Variants in SYT14 observed in about 807,000 individuals in gnomAD.
The protein encoded by SYT14 is synaptotagmin 14.
In SYT14, 32 loss-of-function variants were observed where a neutral mutation model predicts 74.2. The ratio of observed to expected loss-of-function variants is 0.43; its 90% CI spans 0.33 to 0.58. The LOEUF is 0.58. Ranked by LOEUF, SYT14 falls within the 20% of genes least tolerant of loss-of-function variation. The pLI is 0.05. For synonymous variants in SYT14, 298 were observed against 337.7 expected (o/e 0.88, Z 1.29); for missense variants, 791 against 981.8 (o/e 0.81, Z 2.60).
intron 5 of SYT14, among the ~76,000 whole-genome samples, chr1:210,036,238 T>C (rs1317857878): frequency 1.3e-5 from 2 of 152,092 alleles, no homozygotes; most frequent in East Asian, 3.8e-4. Context: ...CAGCTTATTG[T>C]TGGTGTATAG....
intron 2 of SYT14, among the ~76,000 whole-genome samples, chr1:210,007,996 T>C (rs1261725081): frequency 6.6e-6 from 1 of 152,218 alleles, no homozygotes; most frequent in African/African-American, 2.4e-5. Flanking sequence ...CAGGAGTCAG[T>C]GTGCTCAAGT....
At chr1:210,008,517 C>G (rs2080029942) in intron 2 of SYT14, among the ~76,000 whole-genome samples, 1 of 152,126 alleles carries the variant, frequency 6.6e-6, no homozygotes, top group Non-Finnish European at 1.5e-5. Flanking sequence ...GTGCCCGCCA[C>G]CACACCCGGC....
chr1:209,940,554 AAAACATTC>A (rs1280501362), intron 1 of SYT14, among the ~76,000 whole-genome samples: 1 of 152,186 alleles, frequency 6.6e-6, no homozygotes, highest in Non-Finnish European at 1.5e-5. Context: ...CCTTTGTATA[AAAACATTC>A]AATGATGATG....
intron 5 of SYT14, among the ~76,000 whole-genome samples, chr1:210,024,289 A>G (rs1231365552): frequency 1.3e-5 from 2 of 152,214 alleles, no homozygotes; most frequent in Non-Finnish European, 2.9e-5. Context: ...ATATCAGTTA[A>G]GGAGATCTTT....
At chr1:210,161,491 A>G (rs1408482144) in exon 10 of SYT14, 4 of 454,116 alleles carry the variant, frequency 8.8e-6, no homozygotes, top group Non-Finnish European at 1.8e-5. Flanking sequence ...CTTTAATATG[A>G]AAAAGTAGTT....
chr1:210,135,621 CCTT>C (rs1164064194), intron 7 of SYT14, among the ~76,000 whole-genome samples: 3 of 151,818 alleles, frequency 2.0e-5, no homozygotes, highest in African/African-American at 7.3e-5. Flanking sequence ...GTTTTATTTT[CCTT>C]CTTCTTTTCA....
intron 6 of SYT14, among the ~76,000 whole-genome samples, chr1:210,095,935 T>C (rs2081959920): frequency 6.6e-6 from 1 of 152,180 alleles, no homozygotes; most frequent in Non-Finnish European, 1.5e-5. Context: ...GTTTTGTAGC[T>C]TTGTAAACTA....
At chr1:209,994,262 G>T (rs1481641559) in intron 2 of SYT14, among the ~76,000 whole-genome samples, 2 of 152,124 alleles carry the variant, frequency 1.3e-5, no homozygotes, top group African/African-American at 4.8e-5. Context: ...GATGATCAAG[G>T]AGCTGAAAGA....
At chr1:210,166,488 C>G (rs2083456773) in exon 10 of SYT14, 1 of 152,238 alleles carries the variant, frequency 6.6e-6, no homozygotes, top group South Asian at 2.1e-4. Context: ...ATCGCTGGAG[C>G]CTGGCAAGTC....
At chr1:210,168,559 T>G (rs956145048) in exon 10 of SYT14, 14 of 152,158 alleles carry the variant, frequency 9.2e-5, no homozygotes, top group Admixed American at 3.3e-4. Context: ...CTGAAAAAAA[T>G]TTTCAAACTT....
chr1:210,111,831 G>A (rs775183380), intron 7 of SYT14, among the ~76,000 whole-genome samples: 8 of 151,300 alleles, frequency 5.3e-5, no homozygotes, highest in Non-Finnish European at 8.8e-5. Context: ...GGGGTTCAGC[G>A]GAATTACTTG....
intron 2 of SYT14, among the ~76,000 whole-genome samples, chr1:210,007,410 A>C (rs1193136944): frequency 6.6e-6 from 1 of 152,008 alleles, no homozygotes; most frequent in African/African-American, 2.4e-5. Context: ...TCTATAGAGT[A>C]TCTTTAGTTT....
intron 7 of SYT14, among the ~76,000 whole-genome samples, chr1:210,115,667 G>A (rs2082345542): frequency 1.3e-5 from 2 of 151,364 alleles, no homozygotes; most frequent in Non-Finnish European, 1.5e-5. Context: ...TAGTGAGAGA[G>A]GTTGGAGAAG....
intron 1 of SYT14, among the ~76,000 whole-genome samples, chr1:209,945,123 C>T (rs1255530185): frequency 1.3e-5 from 2 of 152,152 alleles, no homozygotes; most frequent in African/African-American, 2.4e-5. Flanking sequence ...CCCTACCCTC[C>T]ACCCCCACTC....
chr1:209,952,260 A>G (rs889699986), intron 1 of SYT14, among the ~76,000 whole-genome samples: 1 of 152,194 alleles, frequency 6.6e-6, no homozygotes, highest in African/African-American at 2.4e-5. Context: ...CAAATTTATA[A>G]TAGTGGGTTG....
intron 7 of SYT14, among the ~76,000 whole-genome samples, chr1:210,101,660 G>A (rs1319846331): frequency 6.6e-6 from 1 of 151,108 alleles, no homozygotes; most frequent in African/African-American, 2.4e-5. Flanking sequence ...GCTTAAAAGA[G>A]GGGAGAAAAA....
At chr1:209,965,877 C>CTTT in intron 2 of SYT14, 13 of 405,236 alleles carry the variant, frequency 3.2e-5, no homozygotes, top group East Asian at 7.7e-5. Flanking sequence ...TTTTGAACTT[C>CTTT]TTTTTTTTTT....
chr1:210,147,944 G>C (rs1213943186), intron 7 of SYT14, among the ~76,000 whole-genome samples: 1 of 152,096 alleles, frequency 6.6e-6, no homozygotes, highest in Non-Finnish European at 1.5e-5. Context: ...GAGTGCGTGT[G>C]TTGTGTTCAG....
chr1:209,994,684 GC>G (rs1471503846), intron 2 of SYT14, among the ~76,000 whole-genome samples: 2 of 152,016 alleles, frequency 1.3e-5, no homozygotes, highest in Non-Finnish European at 2.9e-5. Context: ...AAAGCACATA[GC>G]CATCAGATTC....
Sources: gnomAD v4.1 joint callset for allele counts (sites outside exome capture counted in the v4.1 genomes callset) on GRCh38, gnomAD v4.1.1 for gene constraint, MANE v1.5 for transcripts, NCBI Gene and HGNC (gene_info 2026-07-23, HGNC 2026-07-21) for gene names.